Variants in MACROD1 observed in about 807,000 individuals in gnomAD.
MACROD1 encodes the protein ADP-ribose glycohydrolase MACROD1.
In MACROD1, 31 loss-of-function variants were observed where a neutral mutation model predicts 41.4. That is an observed-to-expected ratio of 0.75 (90% CI 0.56 to 1.01). The LOEUF is 1.01. Among genes scored for constraint, MACROD1 ranks in the 50% least tolerant of loss-of-function variants. The pLI is 0.00. For missense variants in MACROD1, 473 were observed against 460.0 expected (o/e 1.03, Z -0.26); for synonymous variants, 252 against 203.4 (o/e 1.24, Z -2.03).
Position 64,082,848 on chromosome 11 carries a change from C to T in MACROD1, c.518-67567G>A, listed in dbSNP as rs1322908570. On this transcript the variant is annotated intron_variant, in intron 3 of 10. Transcript: ENST00000255681. This position sits in a 1 kb window ranked among gnomAD's most constrained non-coding sequence, Gnocchi z 4.5. Reference sequence around the variant, plus strand: ...TCACCACGACCCACAGGGCACCAGACACCGAGGTAGGCAGGGCTGTGCCTG... The same window carrying T: ...TCACCACGACCCACAGGGCACCAGATACCGAGGTAGGCAGGGCTGTGCCTG... 6.6e-6 allele frequency: 1 copy of T among 152,418 alleles called. No homozygotes were observed. Among genetic ancestry groups the T allele is most frequent in the African/African-American group, 2.4e-5 (1 of 41,428 alleles). 9.4% of individuals were successfully genotyped at this position (152,418 alleles called of 1,614,324 possible).
At position 63,999,002 on chromosome 11, in the gene MACROD1, T is replaced by A. The variant is rs1565188164; in HGVS notation, c.926A>T (p.Lys309Met). 1 of 1,609,148 alleles carries A rather than the reference T, an allele frequency of 6.2e-7. No individual in the cohort carries two copies. Among genetic ancestry groups the A allele is most frequent in the Non-Finnish European group, 8.5e-7 (1 of 1,178,394 alleles). Residue 309 changes from lysine to methionine, a missense_variant, in exon 9 of 11, where the codon AAG (lysine) becomes ATG (methionine). Physicochemically the swap from Lys to Met is moderately conservative, Grantham distance 95. Transcript: ENST00000255681. ...DRLIICVFLE[K>M]DEDIYRSRLP... Reference sequence around the variant, plus strand: ...CCGGCTCCGGTAGATGTCCTCGTCCTTCTCGAGGAACACGCAGATGATCAG... The same window carrying A: ...CCGGCTCCGGTAGATGTCCTCGTCCATCTCGAGGAACACGCAGATGATCAG...
intron 3 of MACROD1, among the ~76,000 whole-genome samples, chr11:64,148,095 G>A (rs1016395499): frequency 1.3e-5 from 2 of 152,276 alleles, no homozygotes; most frequent in Admixed American, 6.5e-5. Flanking sequence ...TCTTCAGGGA[G>A]GGGAAAGAGT....
At chr11:64,109,661 G>C (rs1389165745) in intron 3 of MACROD1, among the ~76,000 whole-genome samples, 1 of 152,156 alleles carries the variant, frequency 6.6e-6, no homozygotes, top group Admixed American at 6.5e-5. Flanking sequence ...CCTGCCCCCA[G>C]CCTGGAGGGC....
chr11:64,001,321 A>G, intron 4 of MACROD1: 1 of 649,134 alleles, frequency 1.5e-6, no homozygotes, highest in Non-Finnish European at 2.8e-6. Context: ...ACAGAGGAAA[A>G]CGCCGCGTGC....
chr11:64,144,366 T>G (rs1945461232), intron 3 of MACROD1, among the ~76,000 whole-genome samples: 1 of 152,174 alleles, frequency 6.6e-6, no homozygotes, highest in Non-Finnish European at 1.5e-5. Flanking sequence ...CTGTGTCCTT[T>G]GCAGCCCAGG....
chr11:64,013,897 C>T (rs1943047133), intron 4 of MACROD1, among the ~76,000 whole-genome samples: 1 of 152,278 alleles, frequency 6.6e-6, no homozygotes, highest in Admixed American at 6.5e-5. Flanking sequence ...CCTCAGATTG[C>T]AGAGGAGGCA....
rs370841664 is a variant in MACROD1, at chr11:64,115,324, C to T, written c.517+35915G>A. ...GCAGCCAATTCCCTCAGAGTACAGA[C>T]GTGACTCCTCCCTCCTTTTATTTGT... is the stretch of plus-strand genomic sequence containing the variant. On this transcript the variant is annotated intron_variant, in intron 3 of 10. Transcript: ENST00000255681. Among the ~76,000 whole-genome samples, 73 of 152,134 alleles carry T rather than the reference C, an allele frequency of 4.8e-4. No homozygotes were observed. The South Asian group carries it at 9.3e-3, about 19-fold the overall frequency.
At chr11:64,156,207 G>A (rs1428007830) in intron 1 of MACROD1, among the ~76,000 whole-genome samples, 2 of 152,152 alleles carry the variant, frequency 1.3e-5, no homozygotes, top group Non-Finnish European at 2.9e-5. Context: ...CTTCAGCCTG[G>A]GAGGTCAAGG....
rs571208466 is a variant in MACROD1 at position 64,012,075 on chromosome 11, C to T, written c.547+3177G>A. ...GTGCTGGCGGCGGCTCCATAAATCT[C>T]AGCCCATGTTAAAAGGTTGGACTCC... On this transcript the variant is annotated intron_variant, in intron 4 of 10. Coordinates refer to ENST00000255681, the MANE Select transcript of MACROD1 (RefSeq NM_014067.4). Among the ~76,000 whole-genome samples, 10 of 152,326 alleles carry T rather than the reference C, an allele frequency of 6.6e-5. No homozygotes were observed. In the South Asian group the frequency reaches 2.1e-3, roughly 32 times the overall value.
At chr11:64,113,603 GTGGATGGATGGA>G (rs138402349) in intron 3 of MACROD1, among the ~76,000 whole-genome samples, 1,430 of 117,538 alleles carry the variant, frequency 0.012, 16 homozygotes, top group Non-Finnish European at 0.015. Flanking sequence ...GGATGGTTAG[GTGGATGGATGGA>G]TGGATGGATG....
intron 3 of MACROD1, among the ~76,000 whole-genome samples, chr11:64,021,769 C>T (rs1943155252): frequency 6.6e-6 from 1 of 152,010 alleles, no homozygotes; most frequent in South Asian, 2.1e-4. Context: ...GTGCAGCCAG[C>T]CCCACCGTGT....
At chr11:64,154,313 T>C (rs1945631944) in intron 1 of MACROD1, among the ~76,000 whole-genome samples, 2 of 152,126 alleles carry the variant, frequency 1.3e-5, no homozygotes, top group Non-Finnish European at 2.9e-5. Context: ...CCCTCTTTTT[T>C]ACTCGAGACC....
chr11:64,131,593 TG>T (rs1225139179), intron 3 of MACROD1, among the ~76,000 whole-genome samples: 1 of 152,184 alleles, frequency 6.6e-6, no homozygotes, highest in Non-Finnish European at 1.5e-5. Context: ...CCCAAAGTGC[TG>T]GGATTACAGG....
chr11:64,136,686 A>G (rs936647888), intron 3 of MACROD1, among the ~76,000 whole-genome samples: 1 of 152,156 alleles, frequency 6.6e-6, no homozygotes, highest in Non-Finnish European at 1.5e-5. Context: ...CCTGTGAGGG[A>G]CCCGGGTGGC....
intron 3 of MACROD1, among the ~76,000 whole-genome samples, chr11:64,149,198 C>T (rs1406886739): frequency 6.6e-6 from 1 of 152,138 alleles, no homozygotes; most frequent in Non-Finnish European, 1.5e-5. Context: ...AGTTTCAGCA[C>T]CAGTGCGAGG....
intron 3 of MACROD1, among the ~76,000 whole-genome samples, chr11:64,111,883 C>G (rs950975135): frequency 6.6e-6 from 1 of 152,182 alleles, no homozygotes; most frequent in Non-Finnish European, 1.5e-5. Context: ...AGGAGGCTCA[C>G]AGGAGAGTGG....
At chr11:64,132,750 G>A (rs573586933) in intron 3 of MACROD1, among the ~76,000 whole-genome samples, 8 of 152,330 alleles carry the variant, frequency 5.3e-5, no homozygotes, top group Admixed American at 5.2e-4. Flanking sequence ...AATTAGGGGG[G>A]ATTTCCTGAA....
chr11:64,000,178 A>T (rs1265103970), intron 5 of MACROD1, 49 bp downstream of exon 5: 2 of 1,478,400 alleles, frequency 1.4e-6, no homozygotes, highest in Admixed American at 3.6e-5. Flanking sequence ...CCAGTGACAC[A>T]CGGGCGCCCT....
intron 3 of MACROD1, among the ~76,000 whole-genome samples, chr11:64,093,674 C>G (rs1245716328): frequency 6.6e-6 from 1 of 152,234 alleles, no homozygotes; most frequent in Non-Finnish European, 1.5e-5. Flanking sequence ...CAGGGCTGAA[C>G]AAGCCCCACC....
Sources: allele counts gnomAD v4.1 joint callset (sites outside exome capture counted in the v4.1 genomes callset), GRCh38; gene constraint gnomAD v4.1.1; non-coding constraint Gnocchi (gnomAD v3.1); transcripts MANE v1.5; gene names NCBI Gene and HGNC (gene_info 2026-07-23, HGNC 2026-07-21).